PROSER3: variants seen among roughly 807,000 people sequenced by gnomAD.
PROSER3 encodes the protein proline and serine-rich protein 3.
A neutral mutation model predicts 50.2 loss-of-function variants in PROSER3; 33 were observed. That is an observed-to-expected ratio of 0.66 (90% CI 0.50 to 0.88). The LOEUF is 0.88. PROSER3 is among the 40% of genes least tolerant of loss of function. The pLI, the probability that PROSER3 is intolerant of heterozygous loss-of-function variation, is 0.00. For missense variants in PROSER3, 623 were observed against 612.7 expected, an observed-to-expected ratio of 1.02 and a Z score of -0.18; for synonymous variants, 266 against 259.3, an observed-to-expected ratio of 1.03 and a Z score of -0.25.
chr19:35,759,217 G>T, intron 1 of PROSER3, 157 bp from the exon 2 acceptor site: 1 of 652,460 alleles, frequency 1.5e-6, no homozygotes, highest in Non-Finnish European at 2.6e-6. Context: ...CCCTTCCACT[G>T]TCGATATCCT....
intron 5 of PROSER3, among the ~76,000 whole-genome samples, chr19:35,763,209 CTT>C (rs968660594): frequency 6.8e-6 from 1 of 147,858 alleles, no homozygotes; most frequent in African/African-American, 2.5e-5. Flanking sequence ...CATGCCCCCC[CTT>C]TTTTTTTTGA....
Position 35,762,434 on chromosome 19 carries a change from A to T in PROSER3, c.543+78A>T, listed in dbSNP as rs746863338. 2.2e-6 allele frequency: 3 copies of T among 1,344,592 alleles called. No individual in the cohort carries two copies. In the South Asian group the frequency reaches 3.8e-5, roughly 17 times the overall value. 83.3% of individuals were successfully genotyped at this position (1,344,592 alleles called of 1,614,324 possible). On this transcript the variant is annotated intron_variant, in intron 5 of 10. Coordinates refer to ENST00000396908, the Ensembl canonical transcript of PROSER3. ...CCTAGGACAGAATTAGAAGATCAGG[A>T]GCAGTGGCTCACACCTGTAATCCCA...
At chr19:35,763,405 C>T (rs1234738136) in intron 5 of PROSER3, among the ~76,000 whole-genome samples, 2 of 150,580 alleles carry the variant, frequency 1.3e-5, no homozygotes, top group African/African-American at 4.9e-5. Context: ...GGGATTTCAC[C>T]GTGTTGCCCA....
chr19:35,765,016 C>G lies in PROSER3; in HGVS notation c.627-18C>G, dbSNP rs776851812. The G allele has an allele frequency of 6.2e-7, 1 of 1,613,200 alleles. No homozygotes were observed. Among genetic ancestry groups the G allele is most frequent in the African/African-American group, 1.3e-5 (1 of 75,060 alleles). On this transcript the variant is annotated intron_variant, in intron 6 of 10. Transcript: ENST00000396908. ...GTCTCGAGACCTCCATTGCCTCACT[C>G]CTGCCTTCTCCCTGCAGCAAAGCCT...
downstream of PROSER3, chr19:35,770,904 T>C (rs1352310734): frequency 6.6e-6 from 1 of 151,970 alleles, no homozygotes. Flanking sequence ...AAAAAACTAG[T>C]TGCCATGCTG....
downstream of PROSER3, chr19:35,769,679 G>A (rs1379210688): frequency 1.3e-5 from 2 of 152,130 alleles, no homozygotes; most frequent in African/African-American, 2.4e-5. Context: ...TTTGACTTCT[G>A]TCTTTCCCTT....
chr19:35,766,625 C>T, intron 7 of PROSER3, 143 bp from the exon 8 acceptor site: 1 of 606,438 alleles, frequency 1.6e-6, no homozygotes, highest in East Asian at 2.9e-5. Flanking sequence ...CCTCTTCCCA[C>T]CCCAGAGAGG....
chr19:35,768,364 A>G, intron 10 of PROSER3, 40 bp from the exon 11 acceptor site: 1 of 1,585,760 alleles, frequency 6.3e-7, no homozygotes, highest in South Asian at 1.1e-5. Context: ...TCTAAGCCTG[A>G]GCACATACCC....
intron 1 of PROSER3, 58 bp from the exon 2 acceptor site, chr19:35,759,316 C>G: frequency 3.6e-6 from 5 of 1,394,818 alleles, no homozygotes; most frequent in Non-Finnish European, 5.0e-6. Context: ...TCTAATGTCC[C>G]CCTCCCCAGG....
chr19:35,759,349 C>T (rs1386121682), intron 1 of PROSER3, 25 bp from the exon 2 acceptor site: 2 of 1,604,368 alleles, frequency 1.2e-6, no homozygotes, highest in Admixed American at 1.7e-5. Context: ...CCACGTGCTG[C>T]CTGAACCCCA....
intron 7 of PROSER3, among the ~76,000 whole-genome samples, chr19:35,765,976 C>T (rs943025713): frequency 1.3e-5 from 2 of 152,136 alleles, no homozygotes; most frequent in African/African-American, 2.4e-5. Flanking sequence ...GCAAAGCCTT[C>T]GCCTTTTACC....
At chr19:35,762,546 T>TAAAA (rs3043403) in intron 5 of PROSER3, 190 bp downstream of exon 5, 50 of 248,502 alleles carry the variant, frequency 2.0e-4, no homozygotes, top group South Asian at 1.1e-3. Flanking sequence ...CTGCCTCTAC[T>TAAAA]AAAAAAAAAA....
At chr19:35,758,248 G>T in intron 1 of PROSER3, 22 bp downstream of exon 1, 1 of 1,561,810 alleles carries the variant, frequency 6.4e-7, no homozygotes, top group Non-Finnish European at 8.7e-7. Flanking sequence ...CGCTCTTCCA[G>T]GGACTACAGG....
rs762934024 is a variant in PROSER3, at chr19:35,759,359, A to C, written c.12-15A>C. On this transcript the variant is annotated splice_polypyrimidine_tract_variant and intron_variant, in intron 1 of 10. Coordinates refer to ENST00000396908, the Ensembl canonical transcript of PROSER3. ...CGAAACCACGTGCTGCCTGAACCCC[A>C]CTTTCCTCTTGCAGCCTGCCAGTTT... The C allele has an allele frequency of 3.1e-6, 5 of 1,611,246 alleles. No homozygotes were observed. Among genetic ancestry groups the C allele is most frequent in the Non-Finnish European group, 1.7e-6 (2 of 1,178,544 alleles).
chr19:35,765,268 C>A, intron 7 of PROSER3, 92 bp downstream of exon 7: 1 of 1,411,130 alleles, frequency 7.1e-7, no homozygotes, highest in South Asian at 1.3e-5. Flanking sequence ...CTCTCTGGGC[C>A]TTGTTTCTCC....
chr19:35,767,089 G>A, intron 8 of PROSER3: 1 of 1,172,044 alleles, frequency 8.5e-7, no homozygotes, highest in Non-Finnish European at 1.2e-6. Flanking sequence ...CTGCTCCAGT[G>A]GAGACCCTCA....
Position 35,766,704 on chromosome 19 carries a change from T to C in PROSER3, c.770-64T>C, listed in dbSNP as rs951870851. On this transcript the variant is annotated intron_variant, in intron 7 of 10. Coordinates refer to ENST00000396908, the Ensembl canonical transcript of PROSER3. ...ACAGTTGGAGGGCGTGTGTGCAGGC[T>C]GTCCTGGGGTTGCTGATCTCCCTGG... The C allele has an allele frequency of 6.7e-6, 8 of 1,202,430 alleles. No individual in the cohort carries two copies. In the African/African-American group the frequency reaches 1.2e-4, roughly 18 times the overall value. The allele number at this position is 1,202,430 out of a possible 1,614,324, so 74.5% of individuals were successfully genotyped here.
exon 6 of PROSER3, chr19:35,764,932 C>T (rs367666350): frequency 6.8e-6 from 11 of 1,613,512 alleles, no homozygotes; most frequent in East Asian, 4.5e-5. Context: ...GCTGCTCAAA[C>T]GCAGGTGCCC....
At chr19:35,765,267 C>T (rs1971107257) in intron 7 of PROSER3, 91 bp downstream of exon 7, 1 of 1,411,300 alleles carries the variant, frequency 7.1e-7, no homozygotes, top group South Asian at 1.3e-5. Flanking sequence ...CCTCTCTGGG[C>T]CTTGTTTCTC....
Sources: allele counts gnomAD v4.1 joint callset (sites outside exome capture counted in the v4.1 genomes callset), GRCh38; gene constraint gnomAD v4.1.1; transcripts MANE v1.5; gene names NCBI Gene and HGNC (gene_info 2026-07-23, HGNC 2026-07-21).